Variants in ZFHX3 observed in about 807,000 individuals in gnomAD.
ZFHX3 encodes zinc finger homeobox protein 3.
ZFHX3 carries 42 observed loss-of-function variants against 279.1 expected under a neutral mutation model. The ratio of observed to expected loss-of-function variants is 0.15; its 90% CI spans 0.12 to 0.19. The LOEUF (loss-of-function observed/expected upper bound fraction) is 0.19. Among genes scored for constraint, ZFHX3 ranks in the 10% least tolerant of loss-of-function variants. ZFHX3 has a pLI of 1.00. For synonymous variants in ZFHX3, 2,293 were observed against 1,957.8 expected (o/e 1.17, Z -4.52); for missense variants, 4,981 against 4,754.0 (o/e 1.05, Z -1.40).
intron 3 of ZFHX3, among the ~76,000 whole-genome samples, chr16:73,322,109 G>C (rs1300918690): frequency 1.3e-5 from 2 of 152,184 alleles, no homozygotes; most frequent in African/African-American, 4.8e-5. Context: ...GCTGGCAACA[G>C]TAGCCCTACA....
chr16:73,605,034 C>T (rs1391862675), intron 2 of ZFHX3, among the ~76,000 whole-genome samples: 2 of 152,148 alleles, frequency 1.3e-5, no homozygotes, highest in African/African-American at 2.4e-5. Context: ...CTGCTATACC[C>T]CAGCTCTGAT....
intron 5 of ZFHX3, among the ~76,000 whole-genome samples, chr16:73,147,309 A>G (rs529435833): frequency 6.6e-6 from 1 of 152,180 alleles, no homozygotes; most frequent in African/African-American, 2.4e-5. Context: ...TCAACCTTCA[A>G]AACACAGCAG....
chr16:73,577,529 C>G (rs2051813432), intron 2 of ZFHX3, among the ~76,000 whole-genome samples: 1 of 152,168 alleles, frequency 6.6e-6, no homozygotes, highest in African/African-American at 2.4e-5. Context: ...CAGGCTGTTT[C>G]TTATGTTTTA....
At chr16:73,545,886 G>T (rs2020100255) in intron 2 of ZFHX3, among the ~76,000 whole-genome samples, 1 of 151,962 alleles carries the variant, frequency 6.6e-6, no homozygotes, top group African/African-American at 2.4e-5. Context: ...ACAAGATATT[G>T]CAGGGGACAA....
Position 73,634,373 on chromosome 16 carries a change from T to C in ZFHX3, c.-1547+45807A>G, listed in dbSNP as rs538037322. Among the ~76,000 whole-genome samples the C allele has an allele frequency of 7.3e-4, 109 of 149,800 alleles. 1 individual carries two copies. The highest frequency in any genetic ancestry group is 1.5e-3 in the Admixed American group (22 of 14,996). On this transcript the variant is annotated intron_variant, in intron 2 of 17. Coordinates refer to the ZFHX3 transcript ENST00000641206. Reference sequence around the variant, plus strand: ...AATTTAAGAGAGGAGTTTAGGGTCATTTTTTTCACTGGGGAAATATATAGT... The same window carrying C: ...AATTTAAGAGAGGAGTTTAGGGTCACTTTTTTCACTGGGGAAATATATAGT...
At chr16:73,792,865 C>CCG (rs1555501990) in intron 1 of ZFHX3, among the ~76,000 whole-genome samples, 2,427 of 148,646 alleles carry the variant, frequency 0.016, 42 homozygotes, top group African/African-American at 0.057. Context: ...CACCCCCCCC[C>CCG]TCCCCTCTCT....
At chr16:72,900,597 G>A (rs912469358) in intron 3 of ZFHX3, among the ~76,000 whole-genome samples, 1 of 152,190 alleles carries the variant, frequency 6.6e-6, no homozygotes, top group African/African-American at 2.4e-5. Flanking sequence ...TGATGGGCAC[G>A]TACAGCCAGG....
chr16:73,601,770 A>G (rs1356729232), intron 2 of ZFHX3, among the ~76,000 whole-genome samples: 1 of 152,232 alleles, frequency 6.6e-6, no homozygotes, highest in Non-Finnish European at 1.5e-5. Context: ...AGGTGAAGCC[A>G]TCTAGAAAAT....
intron 4 of ZFHX3, among the ~76,000 whole-genome samples, chr16:73,308,267 ATATATATATATT>A (rs1423132578): frequency 6.6e-3 from 120 of 18,110 alleles, no homozygotes; most frequent in African/African-American, 0.011. Context: ...ATATATATAT[ATATATATATATT>A]TATTTATTTA....
intron 1 of ZFHX3, among the ~76,000 whole-genome samples, chr16:72,986,731 T>A (rs990704088): frequency 2.6e-5 from 4 of 152,134 alleles, no homozygotes; most frequent in Admixed American, 6.5e-5. Context: ...GGTAGTATAA[T>A]CATGTTCTTC....
At chr16:73,372,073 T>C (rs1004472116) in intron 3 of ZFHX3, among the ~76,000 whole-genome samples, 4 of 152,236 alleles carry the variant, frequency 2.6e-5, no homozygotes, top group East Asian at 1.9e-4. Context: ...TAAAAGTCTA[T>C]GTACACAATG....
chr16:73,363,837 T>C (rs564457888), intron 3 of ZFHX3, among the ~76,000 whole-genome samples: 1 of 152,276 alleles, frequency 6.6e-6, no homozygotes, highest in Non-Finnish European at 1.5e-5. Flanking sequence ...ATGTACACCA[T>C]TAATTCTGCC....
At chr16:72,826,587 C>T (rs1301342676) in intron 5 of ZFHX3, among the ~76,000 whole-genome samples, 1 of 152,122 alleles carries the variant, frequency 6.6e-6, no homozygotes, top group Non-Finnish European at 1.5e-5. Context: ...TCAAATCGGC[C>T]CAAGTACCTT....
At chr16:73,154,934 G>A (rs575980710) in intron 5 of ZFHX3, among the ~76,000 whole-genome samples, 1 of 152,242 alleles carries the variant, frequency 6.6e-6, no homozygotes, top group Admixed American at 6.5e-5. Context: ...AGCACTTTGA[G>A]AGGCTGAGGT....
intron 3 of ZFHX3, among the ~76,000 whole-genome samples, chr16:73,381,992 T>G (rs2016825512): frequency 6.6e-6 from 1 of 152,176 alleles, no homozygotes; most frequent in Non-Finnish European, 1.5e-5. Flanking sequence ...AGACAATACA[T>G]AAATGAGTGG....
intron 2 of ZFHX3, among the ~76,000 whole-genome samples, chr16:73,606,375 A>G (rs1018516477): frequency 6.6e-6 from 1 of 150,862 alleles, no homozygotes; most frequent in Non-Finnish European, 1.5e-5. Flanking sequence ...AATCCCAGCT[A>G]CTCAGGAGGC....
intron 4 of ZFHX3, among the ~76,000 whole-genome samples, chr16:73,285,982 G>A (rs1470090442): frequency 2.0e-5 from 3 of 152,172 alleles, no homozygotes; most frequent in Non-Finnish European, 2.9e-5. Context: ...TGTAAAACGC[G>A]TATTTATTAT....
chr16:73,394,863 C>A (rs1016727599), intron 3 of ZFHX3, among the ~76,000 whole-genome samples: 1 of 152,138 alleles, frequency 6.6e-6, no homozygotes, highest in African/African-American at 2.4e-5. Flanking sequence ...CTTATTAACT[C>A]ATTTGGCAGA....
chr16:73,832,351 A>C (rs1597135173), intron 1 of ZFHX3, among the ~76,000 whole-genome samples: 1 of 152,238 alleles, frequency 6.6e-6, no homozygotes, highest in East Asian at 1.9e-4. Flanking sequence ...GCTTGGACAT[A>C]AGCCCCTATG....
Sources: allele counts gnomAD v4.1 joint callset (sites outside exome capture counted in the v4.1 genomes callset), GRCh38; gene constraint gnomAD v4.1.1; transcripts MANE v1.5; gene names NCBI Gene and HGNC (gene_info 2026-07-23, HGNC 2026-07-21).